Variants in KMT2A observed in about 807,000 individuals in gnomAD.
The protein encoded by KMT2A is lysine methyltransferase 2A, also known as histone-lysine N-methyltransferase 2A.
KMT2A carries 16 observed loss-of-function variants against 345.3 expected under a neutral mutation model. The ratio of observed to expected loss-of-function variants is 0.05; its 90% CI spans 0.03 to 0.07. The LOEUF (loss-of-function observed/expected upper bound fraction) is 0.07. KMT2A is among the 10% of genes least tolerant of loss of function. KMT2A has a pLI of 1.00. For missense variants in KMT2A, 3,272 were observed against 4,841.6 expected, an observed-to-expected ratio of 0.68 and a Z score of 9.62; for synonymous variants, 1,599 against 1,778.6, an observed-to-expected ratio of 0.90 and a Z score of 2.54.
intron 10 of KMT2A, among the ~76,000 whole-genome samples, chr11:118,486,395 C>A (rs149431696): frequency 3.9e-4 from 56 of 145,046 alleles, no homozygotes; most frequent in Middle Eastern, 3.5e-3. Context: ...TTTAATCTTT[C>A]TGAGTTTTTT....
chr11:118,480,248 T>A lies in KMT2A; in HGVS notation c.3634+10T>A. The A allele has an allele frequency of 6.2e-7, 1 of 1,610,130 alleles. No individual in the cohort carries two copies. The highest frequency in any genetic ancestry group is 8.5e-7 in the Non-Finnish European group (1 of 1,176,550). On this transcript the variant is annotated intron_variant, in intron 6 of 35. Transcript: ENST00000534358. ...CAGAAGCAAGCTAAAGGTAGTGTTG[T>A]TAAAAAGGTCTTCCCCCAAATGCTC...
intron 31 of KMT2A, among the ~76,000 whole-genome samples, chr11:118,513,420 T>A (rs1950732630): frequency 6.6e-6 from 1 of 152,058 alleles, no homozygotes; most frequent in Admixed American, 6.5e-5. Flanking sequence ...TTTAATTTTA[T>A]CAGTGATGTT....
At chr11:118,507,706 T>C (rs1017725515) in intron 28 of KMT2A, 97 bp downstream of exon 28, 5 of 944,938 alleles carry the variant, frequency 5.3e-6, no homozygotes, top group Middle Eastern at 3.0e-4. Flanking sequence ...GGCTCACGCC[T>C]GTAATCCTAG....
intron 10 of KMT2A, among the ~76,000 whole-genome samples, chr11:118,486,078 G>A (rs1327465737): frequency 2.6e-5 from 4 of 151,858 alleles, no homozygotes; most frequent in Non-Finnish European, 5.9e-5. Context: ...GCAAGACTCC[G>A]TCTCAAAAAA....
chr11:118,457,025 T>C (rs1053349473), intron 1 of KMT2A, among the ~76,000 whole-genome samples: 1 of 152,166 alleles, frequency 6.6e-6, no homozygotes, highest in Admixed American at 6.5e-5. Context: ...ATAGGATCTG[T>C]CCTTTTCCCC....
chr11:118,519,855 C>T, intron 32 of KMT2A, 63 bp downstream of exon 32: 1 of 1,563,424 alleles, frequency 6.4e-7, no homozygotes, highest in Non-Finnish European at 8.8e-7. Context: ...ATGACACTGT[C>T]ATCTTCCCAC....
intron 31 of KMT2A, among the ~76,000 whole-genome samples, chr11:118,517,590 A>G (rs1950849838): frequency 6.6e-6 from 1 of 152,016 alleles, no homozygotes; most frequent in Non-Finnish European, 1.5e-5. Flanking sequence ...AATCCTACCT[A>G]GCAAGTTGGG....
intron 31 of KMT2A, among the ~76,000 whole-genome samples, chr11:118,518,983 T>C (rs113399762): frequency 0.099 from 12,918 of 131,074 alleles, 828 homozygotes; most frequent in African/African-American, 0.21. Flanking sequence ...GAGGCTGAGG[T>C]AGGAGAATGG....
intron 1 of KMT2A, among the ~76,000 whole-genome samples, chr11:118,442,542 CTG>C (rs1949336543): frequency 6.6e-6 from 1 of 152,094 alleles, no homozygotes; most frequent in Non-Finnish European, 1.5e-5. Context: ...TTTGTGGACT[CTG>C]AGGTTGTTGA....
At chr11:118,512,858 T>C (rs76091267) in intron 31 of KMT2A, among the ~76,000 whole-genome samples, 1 of 152,104 alleles carries the variant, frequency 6.6e-6, no homozygotes, top group African/African-American at 2.4e-5. Context: ...TTTCTTAAAG[T>C]TGAAATCATT....
rs1456458037 is a variant in KMT2A, at chr11:118,466,281, G to T, written c.433-2494G>T. ...GGAGTTTGAGGCTGCAGTGAGCCGT[G>T]ATCACACCACTGCAGTACAGCCTGA... On this transcript the variant is annotated intron_variant, in intron 1 of 35. Coordinates refer to ENST00000534358, the MANE Select transcript of KMT2A (RefSeq NM_001197104.2). Among the ~76,000 whole-genome samples the T allele has an allele frequency of 5.9e-5, 9 of 152,076 alleles. 1 individual carries two copies. The highest frequency in any genetic ancestry group is 5.2e-4 in the Admixed American group (8 of 15,266).
intron 1 of KMT2A, among the ~76,000 whole-genome samples, chr11:118,464,274 G>A (rs934556958): frequency 2.6e-5 from 4 of 152,306 alleles, no homozygotes; most frequent in East Asian, 1.9e-4. Context: ...GGTGGCTCAC[G>A]CCTGTTATCC....
chr11:118,499,346 T>C lies in KMT2A; in HGVS notation c.6005T>C (p.Val2002Ala). Residue 2002 changes from valine (V) to alanine (A), a missense_variant, in exon 23 of 36, where the codon GTG (valine) becomes GCG (alanine). Transcript: ENST00000534358. Reference protein sequence around the residue: ...NGFEVFRRVFVDFEGISLRRK... With the variant: ...NGFEVFRRVFADFEGISLRRK... ...TTTGAAGTTTTCAGAAGAGTGTTTG[T>C]GGACTTTGAAGGAATCAGCTTGAGA... 6.2e-7 allele frequency: 1 copy of C among 1,614,088 alleles called. No homozygotes were observed. The highest frequency in any genetic ancestry group is 8.5e-7 in the Non-Finnish European group (1 of 1,179,924).
Position 118,526,224 on chromosome 11 carries a change from T to A in KMT2A, c.*4052T>A, listed in dbSNP as rs976580913. 7 of 217,686 alleles carry A rather than the reference T, an allele frequency of 3.2e-5. No individual in the cohort carries two copies. Among genetic ancestry groups the A allele is most frequent in the Non-Finnish European group, 5.5e-5 (6 of 108,292 alleles). 13.5% of individuals were successfully genotyped at this position (217,686 alleles called of 1,614,324 possible). Reference sequence around the variant, plus strand: ...AAATGCAGACATGGTGTCACCTGGATTTTTTTCTGCCCATGAATGTTGCCA... The same window carrying A: ...AAATGCAGACATGGTGTCACCTGGAATTTTTTCTGCCCATGAATGTTGCCA... On this transcript the variant is annotated 3_prime_UTR_variant, in exon 36 of 36. Transcript: ENST00000534358.
At position 118,502,389 on chromosome 11, in the gene KMT2A, CTT is replaced by C. The variant is rs1565301846; in HGVS notation, c.6506-8_6506-7del. On this transcript the variant is annotated splice_region_variant and splice_polypyrimidine_tract_variant and intron_variant, in intron 26 of 35. Coordinates refer to ENST00000534358, the MANE Select transcript of KMT2A (RefSeq NM_001197104.2). This position sits in a 1 kb window ranked among gnomAD's most constrained non-coding sequence, Gnocchi z 4.9. ...CAATAGCATTTATTACTTTTTCTCT[CTT>C]GTTTAGGAAGTCCTACCCCAACCAC... 3 of 1,558,622 alleles carry C rather than the reference CTT, an allele frequency of 1.9e-6. No homozygotes were observed. Among genetic ancestry groups the C allele is most frequent in the Admixed American group, 2.0e-5 (1 of 49,582 alleles).
rs782456937 is a variant in KMT2A, at chr11:118,476,835, G to A, written c.3187G>A (p.Val1063Met). ...AGAAAGTGACTCATCAGAGACCTCT[G>A]TGCGAGGACCCCGGATTAAACATGT... The part of the protein sequence containing the change: ...GQESDSSETS[V>M]RGPRIKHVCR... Residue 1063 changes from valine to methionine, a missense_variant, in exon 4 of 36, where the codon GTG becomes ATG. Coordinates refer to ENST00000534358, the MANE Select transcript of KMT2A (RefSeq NM_001197104.2). The surrounding 1 kb of genome is among the most constrained non-coding windows in gnomAD (Gnocchi z 4.1). 3 of 1,613,346 alleles carry A rather than the reference G, an allele frequency of 1.9e-6. No homozygotes were observed. The African/African-American group carries it at 4.0e-5, about 22-fold the overall frequency.
Position 118,473,814 on chromosome 11 carries a change from G to C in KMT2A, c.2655G>C (p.Lys885Asn). 6.2e-7 allele frequency: 1 copy of C among 1,614,188 alleles called. No homozygotes were observed. Among genetic ancestry groups the C allele is most frequent in the African/African-American group, 1.3e-5 (1 of 75,058 alleles). ...ERDREREKEN[K>N]RESRKEKRKK... ...ACCGGGAGAGAGAAAAGGAGAATAA[G>C]CGGGAGTCAAGGAAAGAGAAAAGGA... is the stretch of plus-strand genomic sequence containing the variant. The change falls in exon 3 of 36, where the codon AAG becomes AAC. Residue 885 changes from lysine (K) to asparagine (N), a missense_variant. By Grantham distance (94) the Lys-to-Asn change is moderately conservative. Transcript: ENST00000534358. The surrounding 1 kb of genome is among the most constrained non-coding windows in gnomAD (Gnocchi z 5.2).
chr11:118,515,778 T>C (rs1164741913), intron 31 of KMT2A, among the ~76,000 whole-genome samples: 1 of 134,736 alleles, frequency 7.4e-6, no homozygotes, highest in Non-Finnish European at 1.5e-5. Flanking sequence ...AACCTCCGCC[T>C]CCCGGGTTCA....
intron 1 of KMT2A, among the ~76,000 whole-genome samples, chr11:118,440,472 T>C (rs1421024697): frequency 6.6e-6 from 1 of 152,204 alleles, no homozygotes; most frequent in Non-Finnish European, 1.5e-5. Context: ...ACCCTTTCTG[T>C]TGACTAGAAG....
Sources: gnomAD v4.1 joint callset for allele counts (sites outside exome capture counted in the v4.1 genomes callset) on GRCh38, gnomAD v4.1.1 for gene constraint, Gnocchi (gnomAD v3.1) non-coding constraint, MANE v1.5 for transcripts, NCBI Gene and HGNC (gene_info 2026-07-23, HGNC 2026-07-21) for gene names.